Variants in ING5 observed in about 807,000 individuals in gnomAD.
ING5 encodes inhibitor of growth protein 5.
In ING5, 17 loss-of-function variants were observed where a neutral mutation model predicts 37.4. The observed-to-expected ratio is 0.45, with a 90% confidence interval of 0.31 to 0.68. The LOEUF is 0.68. ING5 is among the 30% of genes least tolerant of loss of function. The pLI is 0.05. For missense variants in ING5, 233 were observed against 311.9 expected, an observed-to-expected ratio of 0.75 and a Z score of 1.91; for synonymous variants, 123 against 116.6, an observed-to-expected ratio of 1.06 and a Z score of -0.36.
intron 5 of ING5, chr2:241,720,133 G>A: frequency 8.1e-7 from 1 of 1,237,982 alleles, no homozygotes; most frequent in South Asian, 4.0e-5. Context: ...GGACCAGTCG[G>A]TTGGACCCAA....
chr2:241,707,188 A>G (rs983316424), intron 2 of ING5, among the ~76,000 whole-genome samples: 2 of 150,930 alleles, frequency 1.3e-5, no homozygotes, highest in African/African-American at 4.9e-5. Context: ...CAAACTCTCA[A>G]CCTCAGGTGA....
intron 2 of ING5, among the ~76,000 whole-genome samples, chr2:241,706,915 C>T (rs1273676962): frequency 1.4e-5 from 2 of 147,530 alleles, no homozygotes; most frequent in Admixed American, 6.8e-5. Flanking sequence ...TCCTTTATCT[C>T]TGAAGTTTTA....
intron 1 of ING5, among the ~76,000 whole-genome samples, chr2:241,702,746 G>C (rs1226629820): frequency 6.6e-6 from 1 of 152,246 alleles, no homozygotes; most frequent in East Asian, 1.9e-4. Context: ...CTGAGCGGAC[G>C]GTGCTTTCCC....
chr2:241,690,389 C>T lies in ING5; in HGVS notation c.-222C>T, dbSNP rs2069532146. ...ACATTACATGAAGTCCAGTGTTAGGCAGGCAGGAGCTGCTCCCGTGACTCA... is the reference window on the plus strand; with the variant it reads ...ACATTACATGAAGTCCAGTGTTAGGTAGGCAGGAGCTGCTCCCGTGACTCA... On this transcript the variant is annotated 5_prime_UTR_variant, in exon 2 of 8. Transcript: ENST00000636051. The T allele has an allele frequency of 2.1e-5, 8 of 385,704 alleles. No individual in the cohort carries two copies. The East Asian group carries it at 2.9e-4, about 14-fold the overall frequency. 23.9% of individuals were successfully genotyped at this position (385,704 alleles called of 1,614,324 possible). A position where few individuals can be genotyped will look rare whatever the true frequency, so the allele number is the denominator to read the frequency against.
chr2:241,701,538 T>A (rs1207550517), upstream of ING5, among the ~76,000 whole-genome samples: 2 of 151,232 alleles, frequency 1.3e-5, no homozygotes, highest in Non-Finnish European at 3.0e-5. Context: ...GTGCCGGCCC[T>A]CGGCTCAGGC....
chr2:241,706,744 A>G (rs1296810383), intron 2 of ING5, among the ~76,000 whole-genome samples: 1 of 152,004 alleles, frequency 6.6e-6, no homozygotes, highest in African/African-American at 2.4e-5. Flanking sequence ...ATAGAATCCT[A>G]GGTTGACAAT....
chr2:241,720,033 C>T (rs970371498), intron 5 of ING5: 4 of 1,242,830 alleles, frequency 3.2e-6, no homozygotes, highest in East Asian at 3.1e-5. Flanking sequence ...AAGGCCAGCT[C>T]TGAAGCTGGG....
chr2:241,689,794 C>A (rs769289063), intron 1 of ING5: 1 of 152,096 alleles, frequency 6.6e-6, no homozygotes, highest in Admixed American at 6.6e-5. Context: ...ATCCTTTTTT[C>A]TGATTGATGT....
At chr2:241,701,994 T>A (rs1553581099), upstream of ING5, 23 of 1,148,928 alleles carry the variant, frequency 2.0e-5, no homozygotes, top group Non-Finnish European at 2.6e-5. Context: ...GTGAGCGCGC[T>A]GGCACCGCCC....
chr2:241,711,374 T>TAAA lies in ING5; in HGVS notation c.277-2_277-1insAAA. ...AAATAAGACTTTGGGTATCCTTTTG[T>TAAA]AGGTGGATAAACACATTCGAAGGCT... On this transcript the variant is annotated splice_region_variant and splice_polypyrimidine_tract_variant and intron_variant, in intron 3 of 7. Transcript: ENST00000313552. The TAAA allele has an allele frequency of 1.3e-6, 2 of 1,493,512 alleles. No homozygotes were observed. The highest frequency in any genetic ancestry group is 1.8e-6 in the Non-Finnish European group (2 of 1,121,084). The allele number at this position is 1,493,512 out of a possible 1,614,324, so 92.5% of individuals were successfully genotyped here. A position where few individuals can be genotyped will look rare whatever the true frequency, so the allele number is the denominator to read the frequency against.
At chr2:241,707,470 T>G (rs182063477) in intron 2 of ING5, among the ~76,000 whole-genome samples, 4 of 152,094 alleles carry the variant, frequency 2.6e-5, no homozygotes, top group Admixed American at 2.0e-4. Context: ...TTTTGTATTT[T>G]AAGTAGAGAC....
At chr2:241,688,682 G>T (rs1227300742) in intron 1 of ING5, among the ~76,000 whole-genome samples, 2 of 152,102 alleles carry the variant, frequency 1.3e-5, no homozygotes, top group African/African-American at 4.8e-5. Flanking sequence ...GGAGTGCAGT[G>T]GCGCGATCTC....
At chr2:241,698,572 A>G (rs1575117010), upstream of ING5, among the ~76,000 whole-genome samples, 1 of 150,832 alleles carries the variant, frequency 6.6e-6, no homozygotes, top group African/African-American at 2.4e-5. Flanking sequence ...TTTCTCTTCA[A>G]CTTTTCAATA....
chr2:241,702,152 G>A (rs2069750754), intron 1 of ING5, 50 bp downstream of exon 1: 4 of 1,148,836 alleles, frequency 3.5e-6, no homozygotes, highest in East Asian at 3.8e-5. Flanking sequence ...GGAGTCCTCC[G>A]TGCCGCAGCC....
In ING5 at chr2:241,725,382, G is replaced by A; in HGVS notation, c.*351G>A. ...TCCACGGAGGGCGGCCGCCACCCTC[G>A]CGTAGCTTTCCTGTGGTTTTCCAGG... On this transcript the variant is annotated 3_prime_UTR_variant, in exon 8 of 8. Transcript: ENST00000313552. 3.4e-6 allele frequency: 1 copy of A among 295,820 alleles called. No individual in the cohort carries two copies. Among genetic ancestry groups the A allele is most frequent in the African/African-American group, 2.2e-5 (1 of 44,506 alleles). The allele number at this position is 295,820 out of a possible 1,614,324, so 18.3% of individuals were successfully genotyped here.
chr2:241,718,293 TTTCC>T (rs1415323604), intron 5 of ING5, among the ~76,000 whole-genome samples: 4 of 151,126 alleles, frequency 2.6e-5, no homozygotes, highest in African/African-American at 4.9e-5. Flanking sequence ...TCCTTCTTTC[TTTCC>T]TTCCTTCCTT....
chr2:241,702,126 C>T, intron 1 of ING5, 24 bp downstream of exon 1: 2 of 1,285,290 alleles, frequency 1.6e-6, no homozygotes, highest in Non-Finnish European at 2.0e-6. Context: ...ACGGGCCCCG[C>T]GCCCGCCGCC....
At chr2:241,692,859 CTCTT>C (rs1351407382) in intron 2 of ING5, among the ~76,000 whole-genome samples, 1 of 152,138 alleles carries the variant, frequency 6.6e-6, no homozygotes. Flanking sequence ...CCTTGTTAAA[CTCTT>C]TCTCTGCTGC....
At chr2:241,723,329 G>A in intron 7 of ING5, 58 bp downstream of exon 7, 4 of 1,562,522 alleles carry the variant, frequency 2.6e-6, no homozygotes, top group Non-Finnish European at 3.5e-6. Context: ...TGCGCTGCTG[G>A]CCTCCCCAGG....
Sources: gnomAD v4.1 joint callset for allele counts (sites outside exome capture counted in the v4.1 genomes callset) on GRCh38, gnomAD v4.1.1 for gene constraint, MANE v1.5 for transcripts, NCBI Gene and HGNC (gene_info 2026-07-23, HGNC 2026-07-21) for gene names.